Variants in PCDH11Y observed in about 807,000 individuals in gnomAD.
PCDH11Y encodes protocadherin 11 Y-linked.
For missense variants in PCDH11Y, 12 were observed against 224.8 expected, an observed-to-expected ratio of 0.05 and a Z score of 6.05; for synonymous variants, 9 against 83.6, an observed-to-expected ratio of 0.11 and a Z score of 4.87.
chrY:5,019,537 A>C (rs2052565898), intron 1 of PCDH11Y, among the ~76,000 whole-genome samples: 1 of 19,771 alleles, frequency 5.1e-5, no homozygotes, highest in Admixed American at 6.2e-4. Flanking sequence ...GTGCCACTGC[A>C]CTCCAGCCTG....
chrY:5,430,947 G>A, intron 2 of PCDH11Y, among the ~76,000 whole-genome samples: 1 of 32,008 alleles, frequency 3.1e-5, no homozygotes, highest in Admixed American at 2.9e-4. Flanking sequence ...GAAACTTCTC[G>A]CCCTGCATCT....
At chrY:5,231,181 G>A in intron 2 of PCDH11Y, among the ~76,000 whole-genome samples, 1 of 32,373 alleles carries the variant, frequency 3.1e-5, no homozygotes, top group South Asian at 7.3e-4. Context: ...GTGAGGTCAT[G>A]TTTTTCTGGA....
chrY:5,271,460 C>T, intron 2 of PCDH11Y, among the ~76,000 whole-genome samples: 1 of 31,440 alleles, frequency 3.2e-5, no homozygotes, highest in Non-Finnish European at 8.0e-5. Context: ...AACATACTTT[C>T]CCATGGGATT....
At chrY:5,045,205 C>G (rs2052631439) in intron 3 of PCDH11Y, among the ~76,000 whole-genome samples, 1 of 33,143 alleles carries the variant, frequency 3.0e-5, no homozygotes, top group Non-Finnish European at 7.4e-5. Context: ...TCTTTCTAGT[C>G]TCGATAGTCT....
chrY:5,274,311 A>G, intron 2 of PCDH11Y, among the ~76,000 whole-genome samples: 1 of 33,410 alleles, frequency 3.0e-5, no homozygotes, highest in African/African-American at 1.2e-4. Flanking sequence ...TTACAAAATT[A>G]AGTTTTTCTT....
intron 2 of PCDH11Y, among the ~76,000 whole-genome samples, chrY:5,316,646 G>A: frequency 3.0e-5 from 1 of 33,017 alleles, no homozygotes; most frequent in Non-Finnish European, 7.4e-5. Flanking sequence ...AGTAAGCCAC[G>A]ATATACAAGG....
chrY:5,520,110 T>G, intron 3 of PCDH11Y, among the ~76,000 whole-genome samples: 1 of 29,010 alleles, frequency 3.4e-5, no homozygotes, highest in Non-Finnish European at 8.1e-5. Context: ...TCCCAGCTAC[T>G]TGGGCAGCTG....
At chrY:5,145,030 C>A (rs2052855316) in intron 2 of PCDH11Y, among the ~76,000 whole-genome samples, 11 of 29,329 alleles carry the variant, frequency 3.8e-4, no homozygotes, top group Admixed American at 6.6e-4. Flanking sequence ...ATAGTTTTAC[C>A]TTTTCCAGAA....
intron 2 of PCDH11Y, among the ~76,000 whole-genome samples, chrY:5,198,641 G>C: frequency 3.0e-5 from 1 of 33,021 alleles, no homozygotes; most frequent in South Asian, 6.5e-4. Flanking sequence ...CTTTAAGAAT[G>C]TTAAAATGTA....
intron 2 of PCDH11Y, among the ~76,000 whole-genome samples, chrY:5,283,227 T>C: frequency 3.0e-5 from 1 of 33,009 alleles, no homozygotes; most frequent in Non-Finnish European, 7.5e-5. Flanking sequence ...TTAAAAATTT[T>C]GGATGAAGAA....
intron 2 of PCDH11Y, among the ~76,000 whole-genome samples, chrY:5,165,535 A>C (rs2052878464): frequency 3.1e-5 from 1 of 32,523 alleles, no homozygotes; most frequent in Non-Finnish European, 7.6e-5. Context: ...CTAAACCAGG[A>C]AATAGGGGGA....
chrY:5,138,319 T>C (rs112941013), intron 2 of PCDH11Y, among the ~76,000 whole-genome samples: 5,216 of 32,249 alleles, frequency 0.16, no homozygotes, highest in Middle Eastern at 0.37. Context: ...AGAGCACAAA[T>C]AGATGATCTA....
intron 2 of PCDH11Y, among the ~76,000 whole-genome samples, chrY:5,162,995 G>A: frequency 3.2e-5 from 1 of 31,030 alleles, no homozygotes; most frequent in Non-Finnish European, 7.8e-5. Flanking sequence ...AAGTCAAGAA[G>A]GTTAATGAAT....
At chrY:5,689,691 C>T (rs2124710644) in intron 4 of PCDH11Y, among the ~76,000 whole-genome samples, 1 of 29,451 alleles carries the variant, frequency 3.4e-5, no homozygotes, top group Admixed American at 3.3e-4. Flanking sequence ...CATTACAAAA[C>T]TGTAACTCTT....
At chrY:5,033,969 G>C (rs2052595043) in intron 3 of PCDH11Y, among the ~76,000 whole-genome samples, 1 of 32,497 alleles carries the variant, frequency 3.1e-5, no homozygotes, top group South Asian at 6.8e-4. Flanking sequence ...ATTTCTCCCT[G>C]TTCTCTTTGT....
intron 2 of PCDH11Y, among the ~76,000 whole-genome samples, chrY:5,127,737 G>A: frequency 3.0e-5 from 1 of 32,964 alleles, no homozygotes; most frequent in Non-Finnish European, 7.5e-5. Flanking sequence ...AATTAATAAA[G>A]TGTTTTTCAA....
intron 2 of PCDH11Y, among the ~76,000 whole-genome samples, chrY:5,380,742 G>A (rs2124674341): frequency 3.2e-5 from 1 of 31,351 alleles, no homozygotes; most frequent in Admixed American, 2.9e-4. Flanking sequence ...GCCCGCCACC[G>A]CGCCCGGCTA....
At chrY:5,274,773 C>T (rs1602898041) in intron 2 of PCDH11Y, among the ~76,000 whole-genome samples, 2 of 33,661 alleles carry the variant, frequency 5.9e-5, no homozygotes, top group Non-Finnish European at 1.5e-4. Context: ...TTTCGGTTAG[C>T]GGTACAAGCT....
intron 3 of PCDH11Y, among the ~76,000 whole-genome samples, chrY:5,534,241 T>C (rs2053397916): frequency 3.0e-5 from 1 of 33,141 alleles, no homozygotes; most frequent in Non-Finnish European, 7.4e-5. Flanking sequence ...AATCACATGA[T>C]CATATTATGT....
Sources: allele counts gnomAD v4.1 joint callset (sites outside exome capture counted in the v4.1 genomes callset), GRCh38; gene constraint gnomAD v4.1.1; transcripts MANE v1.5; gene names NCBI Gene and HGNC (gene_info 2026-07-23, HGNC 2026-07-21).